Variants in SLC5A11 observed in about 807,000 individuals in gnomAD.
SLC5A11 encodes solute carrier family 5 member 11.
SLC5A11 carries 48 observed loss-of-function variants against 69.8 expected under a neutral mutation model. That is an observed-to-expected ratio of 0.69 (90% CI 0.55 to 0.87). SLC5A11 has a LOEUF of 0.87. Ranked by LOEUF, SLC5A11 falls within the 40% of genes least tolerant of loss-of-function variation. SLC5A11 has a pLI of 0.00. For missense variants in SLC5A11, 784 were observed against 866.1 expected (o/e 0.91, Z 1.19); for synonymous variants, 319 against 342.4 (o/e 0.93, Z 0.75).
intron 14 of SLC5A11, among the ~76,000 whole-genome samples, chr16:24,909,668 G>GAAAAAAA: frequency 1.1e-5 from 1 of 87,542 alleles, no homozygotes. Context: ...AAAAAAAAAG[G>GAAAAAAA]AAAAGAAAAA....
chr16:24,861,644 A>G (rs556002143), intron 2 of SLC5A11, among the ~76,000 whole-genome samples: 4 of 144,952 alleles, frequency 2.8e-5, no homozygotes, highest in African/African-American at 1.0e-4. Flanking sequence ...AAGGGAAGGG[A>G]CAAGAAGAAG....
chr16:24,908,155 T>G, intron 13 of SLC5A11, 24 bp downstream of exon 14: 1 of 1,548,052 alleles, frequency 6.5e-7, no homozygotes, highest in Non-Finnish European at 8.7e-7. Flanking sequence ...GCTCCCACTA[T>G]GCCAGAACCA....
chr16:24,894,529 C>T (rs1311023418), intron 9 of SLC5A11, among the ~76,000 whole-genome samples: 1 of 152,138 alleles, frequency 6.6e-6, no homozygotes, highest in Non-Finnish European at 1.5e-5. Flanking sequence ...TGGCTGGGCA[C>T]AGTGGTTCAC....
chr16:24,868,136 CAAA>C (rs1209924410), intron 3 of SLC5A11, among the ~76,000 whole-genome samples: 2 of 89,346 alleles, frequency 2.2e-5, no homozygotes, highest in Admixed American at 1.2e-4. Context: ...GACTCCATTT[CAAA>C]AAAAAAAAAA....
intron 10 of SLC5A11, among the ~76,000 whole-genome samples, chr16:24,899,708 A>G (rs1250883632): frequency 6.7e-6 from 1 of 149,266 alleles, no homozygotes; most frequent in African/African-American, 2.5e-5. Flanking sequence ...GGCCTGCGGT[A>G]CTTTTTCTTT....
chr16:24,898,929 G>A (rs906660148), intron 10 of SLC5A11, among the ~76,000 whole-genome samples: 5 of 151,980 alleles, frequency 3.3e-5, no homozygotes, highest in Admixed American at 6.6e-5. Context: ...GGATCCTTTC[G>A]CCTCAGCCTC....
chr16:24,889,280 C>T (rs111550933), intron 8 of SLC5A11, among the ~76,000 whole-genome samples: 1,912 of 152,112 alleles, frequency 0.013, 48 homozygotes, highest in African/African-American at 0.043. Context: ...CCTAGGAGTT[C>T]GAGACCAGCC....
At chr16:24,910,173 G>A (rs1318016275) in intron 14 of SLC5A11, 133 bp from the exon 16 acceptor site, 9 of 735,686 alleles carry the variant, frequency 1.2e-5, no homozygotes, top group Admixed American at 1.1e-4. Context: ...GGAGGATGGG[G>A]TGGGAGGGTG....
chr16:24,891,346 A>G (rs1030611439), intron 9 of SLC5A11, among the ~76,000 whole-genome samples: 1 of 125,040 alleles, frequency 8.0e-6, no homozygotes, highest in Non-Finnish European at 1.6e-5. Context: ...ACAGGGTCTC[A>G]CTCTATCACC....
At chr16:24,891,963 C>T (rs1004722688) in intron 9 of SLC5A11, among the ~76,000 whole-genome samples, 2 of 149,748 alleles carry the variant, frequency 1.3e-5, no homozygotes, top group African/African-American at 2.5e-5. Flanking sequence ...TGACAGGTGG[C>T]TCACACACTT....
At chr16:24,868,799 T>A (rs768342227) in intron 3 of SLC5A11, among the ~76,000 whole-genome samples, 1 of 151,760 alleles carries the variant, frequency 6.6e-6, no homozygotes, top group Non-Finnish European at 1.5e-5. Context: ...TCCTTCACCC[T>A]TCTCCTCCTC....
intron 7 of SLC5A11, among the ~76,000 whole-genome samples, chr16:24,882,211 G>C (rs1204468776): frequency 6.6e-6 from 1 of 152,138 alleles, no homozygotes; most frequent in Admixed American, 6.6e-5. Flanking sequence ...GAGCTCACCG[G>C]CTATTTGGTG....
At chr16:24,868,591 C>A (rs375667646) in intron 3 of SLC5A11, among the ~76,000 whole-genome samples, 1 of 97,430 alleles carries the variant, frequency 1.0e-5, no homozygotes. Context: ...AGCAAGACTC[C>A]GCCTCAAAAA....
At chr16:24,906,993 A>T in intron 11 of SLC5A11, 32 bp from the exon 13 acceptor site, 1 of 1,606,662 alleles carries the variant, frequency 6.2e-7, no homozygotes, top group South Asian at 1.1e-5. Flanking sequence ...GCAGAAAAGG[A>T]CCGAGGCCCA....
At chr16:24,886,013 C>T (rs2048372646) in intron 8 of SLC5A11, among the ~76,000 whole-genome samples, 1 of 150,272 alleles carries the variant, frequency 6.7e-6, no homozygotes, top group South Asian at 2.1e-4. Context: ...AAATCAAACC[C>T]AGGATGAAAA....
intron 5 of SLC5A11, among the ~76,000 whole-genome samples, chr16:24,874,450 A>G (rs889184708): frequency 3.3e-4 from 51 of 152,336 alleles, no homozygotes; most frequent in African/African-American, 1.1e-3. Flanking sequence ...TCCCACCAGC[A>G]GTGTATGAAA....
In SLC5A11 at chr16:24,910,223, GT is replaced by G. The variant is rs895023114; in HGVS notation, c.1651-81del. The G allele has an allele frequency of 2.8e-5, 40 of 1,412,568 alleles. No homozygotes were observed. In the African/African-American group the frequency reaches 4.2e-4, roughly 15 times the overall value. 87.5% of individuals were successfully genotyped at this position (1,412,568 alleles called of 1,614,324 possible). On this transcript the variant is annotated intron_variant, in intron 14 of 15. Transcript: ENST00000347898. ...TTCAGACACAAAGGCTGAGTGTGGG[GT>G]TGGGTGGGGAGTGTGAGAAAAGGAT... is the stretch of plus-strand genomic sequence containing the variant.
In SLC5A11 at chr16:24,905,631, C is replaced by CGT. The variant is rs1466335302; in HGVS notation, c.1007-1025_1007-1024insTG. Among the ~76,000 whole-genome samples, 304 of 73,844 alleles carry CGT rather than the reference C, an allele frequency of 4.1e-3. 2 individuals carry two copies. Among genetic ancestry groups the CGT allele is most frequent in the African/African-American group, 0.012 (267 of 21,506 alleles). The allele number at this position is 73,844 out of a possible 152,430, so 48.4% of individuals were successfully genotyped here. On this transcript the variant is annotated intron_variant, in intron 10 of 15. Coordinates refer to ENST00000347898, the Ensembl canonical transcript of SLC5A11. Reference sequence around the variant, plus strand: ...AGCAAGACCCCATCTCAAAAACACGCGCGCGCGCGCACACACACACACACA... The same window carrying CGT: ...AGCAAGACCCCATCTCAAAAACACGCGTGCGCGCGCGCACACACACACACACA...
chr16:24,906,080 C>T (rs2050036399), intron 10 of SLC5A11, among the ~76,000 whole-genome samples: 2 of 152,146 alleles, frequency 1.3e-5, no homozygotes, highest in African/African-American at 4.8e-5. Flanking sequence ...GACAGGTGAG[C>T]AGATGTTACT....
Sources: gnomAD v4.1 joint callset for allele counts (sites outside exome capture counted in the v4.1 genomes callset) on GRCh38, gnomAD v4.1.1 for gene constraint, MANE v1.5 for transcripts, NCBI Gene and HGNC (gene_info 2026-07-23, HGNC 2026-07-21) for gene names.